Variants in CCDC148 observed in about 807,000 individuals in gnomAD.
CCDC148 encodes the protein coiled-coil domain containing 148.
A neutral mutation model predicts 85.7 loss-of-function variants in CCDC148; 89 were observed. The ratio of observed to expected loss-of-function variants is 1.04; its 90% CI spans 0.87 to 1.24. The LOEUF (loss-of-function observed/expected upper bound fraction) is 1.24. Ranked by LOEUF, CCDC148 falls within the 50% of genes most tolerant of loss-of-function variation. The probability of loss-of-function intolerance (pLI) is 0.00; values close to 1 mark genes in which losing one functional copy is unlikely to be tolerated. For synonymous variants in CCDC148, 230 were observed against 213.9 expected, an observed-to-expected ratio of 1.08 and a Z score of -0.66; for missense variants, 692 against 671.7, an observed-to-expected ratio of 1.03 and a Z score of -0.33.
At chr2:158,412,859 AT>A (rs1292998276) in intron 1 of CCDC148, among the ~76,000 whole-genome samples, 1 of 133,324 alleles carries the variant, frequency 7.5e-6, no homozygotes, top group South Asian at 2.3e-4. Flanking sequence ...TATTATTATT[AT>A]TATTATTATA....
In CCDC148 at chr2:158,255,875, C is replaced by A. The variant is rs188464730; in HGVS notation, c.1111-4963G>T. 1.5e-3 allele frequency among the ~76,000 whole-genome samples: 228 copies of A among 151,784 alleles called. 2 individuals are homozygous for A. Among genetic ancestry groups the A allele is most frequent in the African/African-American group, 5.2e-3 (216 of 41,466 alleles). On this transcript the variant is annotated intron_variant, in intron 9 of 13. Transcript: ENST00000283233. ...TTAATTAATACTTTGCTTAATATGC[C>A]TACCAAGGGTTGTCTTTGAATGAGA...
intron 1 of CCDC148, among the ~76,000 whole-genome samples, chr2:158,382,183 G>C (rs1574726200): frequency 6.6e-6 from 1 of 152,056 alleles, no homozygotes; most frequent in Non-Finnish European, 1.5e-5. Flanking sequence ...CCTCAGGCTT[G>C]GACTTCCCAG....
chr2:158,314,929 T>C (rs1250345207), intron 7 of CCDC148, among the ~76,000 whole-genome samples: 1 of 152,096 alleles, frequency 6.6e-6, no homozygotes, highest in African/African-American at 2.4e-5. Flanking sequence ...ATAAAACACC[T>C]CTTAAATCAG....
chr2:158,271,057 C>G (rs538118335), intron 9 of CCDC148, among the ~76,000 whole-genome samples: 9 of 152,268 alleles, frequency 5.9e-5, no homozygotes, highest in Non-Finnish European at 1.5e-5. Flanking sequence ...TATAACCAAG[C>G]ATTGCAAACA....
intron 1 of CCDC148, among the ~76,000 whole-genome samples, chr2:158,399,972 C>T (rs757254763): frequency 6.6e-5 from 10 of 151,960 alleles, no homozygotes; most frequent in Admixed American, 1.3e-4. Flanking sequence ...GAATGAAATA[C>T]CTAGGAATCC....
chr2:158,214,121 TAAAAA>T (rs70990697), intron 11 of CCDC148, among the ~76,000 whole-genome samples: 5 of 96,628 alleles, frequency 5.2e-5, no homozygotes, highest in Middle Eastern at 5.7e-3. Context: ...AACATTGTGG[TAAAAA>T]AAAAAAAAAA....
At chr2:158,313,216 T>G (rs1559063645) in intron 8 of CCDC148, among the ~76,000 whole-genome samples, 1 of 152,172 alleles carries the variant, frequency 6.6e-6, no homozygotes, top group Non-Finnish European at 1.5e-5. Flanking sequence ...TAGGAAAATA[T>G]CAGTCACATC....
chr2:158,363,512 A>G (rs117685391), intron 1 of CCDC148, among the ~76,000 whole-genome samples: 1 of 152,328 alleles, frequency 6.6e-6, no homozygotes, highest in East Asian at 1.9e-4. Context: ...GGTTCAACAT[A>G]CACTAATCAA....
At chr2:158,412,066 C>T (rs1686284815) in intron 1 of CCDC148, among the ~76,000 whole-genome samples, 1 of 152,102 alleles carries the variant, frequency 6.6e-6, no homozygotes. Context: ...GTTTTACTGA[C>T]AAAGGCTGTG....
intron 10 of CCDC148, among the ~76,000 whole-genome samples, chr2:158,224,339 T>A (rs1687371377): frequency 6.6e-6 from 1 of 152,184 alleles, no homozygotes; most frequent in Non-Finnish European, 1.5e-5. Context: ...CTACATCTGA[T>A]TGGTGTACCT....
intron 1 of CCDC148, among the ~76,000 whole-genome samples, chr2:158,443,515 A>AAAAGAAAAGAAAAGAAAAG (rs748433493): frequency 9.9e-6 from 1 of 100,896 alleles, no homozygotes; most frequent in Non-Finnish European, 2.0e-5. Flanking sequence ...AAAAAAAAAA[A>AAAAGAAAAGAAAAGAAAAG]AAAAAAAAGA....
chr2:158,354,576 G>A (rs1683517912), intron 2 of CCDC148, among the ~76,000 whole-genome samples: 1 of 152,178 alleles, frequency 6.6e-6, no homozygotes, highest in Non-Finnish European at 1.5e-5. Flanking sequence ...TGAAATTGTA[G>A]CAATAATCAA....
intron 9 of CCDC148, among the ~76,000 whole-genome samples, chr2:158,265,363 T>C (rs1689410978): frequency 6.6e-6 from 1 of 152,152 alleles, no homozygotes. Flanking sequence ...TTTTTGTTTT[T>C]TTACATTTAA....
At chr2:158,375,555 A>C (rs187152278) in intron 1 of CCDC148, among the ~76,000 whole-genome samples, 83 of 152,246 alleles carry the variant, frequency 5.5e-4, no homozygotes, top group African/African-American at 1.9e-3. Flanking sequence ...TCTGAAGTTT[A>C]AAACTGGAAG....
chr2:158,291,402 T>C (rs575268006), intron 9 of CCDC148, among the ~76,000 whole-genome samples: 1 of 152,152 alleles, frequency 6.6e-6, no homozygotes, highest in Non-Finnish European at 1.5e-5. Context: ...CCTTCTCTCA[T>C]TACACTCTGA....
chr2:158,334,978 T>G (rs1469419973), intron 7 of CCDC148, among the ~76,000 whole-genome samples: 1 of 152,132 alleles, frequency 6.6e-6, no homozygotes, highest in Non-Finnish European at 1.5e-5. Context: ...GCCAAATCAA[T>G]TATTGTATTG....
intron 1 of CCDC148, among the ~76,000 whole-genome samples, chr2:158,370,176 G>A (rs1684380246): frequency 6.6e-6 from 1 of 151,954 alleles, no homozygotes; most frequent in African/African-American, 2.4e-5. Flanking sequence ...GCTAATGCAA[G>A]TGGGGCTTAA....
intron 10 of CCDC148, among the ~76,000 whole-genome samples, chr2:158,221,885 G>GGA (rs147337167): frequency 0.011 from 1,715 of 150,194 alleles, 30 homozygotes; most frequent in African/African-American, 0.039. Context: ...CACCCAAGAT[G>GGA]GAGAGAGAGA....
At chr2:158,333,733 ATCT>A (rs543034002) in intron 7 of CCDC148, among the ~76,000 whole-genome samples, 324 of 151,906 alleles carry the variant, frequency 2.1e-3, no homozygotes, top group Middle Eastern at 0.017. Context: ...GGATAGTTAG[ATCT>A]TCTTGTTGCA....
Sources: gnomAD v4.1 joint callset for allele counts (sites outside exome capture counted in the v4.1 genomes callset) on GRCh38, gnomAD v4.1.1 for gene constraint, MANE v1.5 for transcripts, NCBI Gene and HGNC (gene_info 2026-07-23, HGNC 2026-07-21) for gene names.